Variants in UGT2A3 observed in about 807,000 individuals in gnomAD.
UGT2A3 encodes the protein UDP-glucuronosyltransferase 2A3.
Under a neutral mutation model 44.1 loss-of-function variants are expected in UGT2A3, and 55 were observed. The observed-to-expected ratio is 1.25, with a 90% confidence interval of 1.00 to 1.56. The LOEUF is 1.56. Among genes scored for constraint, UGT2A3 ranks in the 40% most tolerant of loss-of-function variants. The pLI, the probability that UGT2A3 is intolerant of heterozygous loss-of-function variation, is 0.00. For missense variants in UGT2A3, 733 were observed against 621.6 expected (o/e 1.18, Z -1.91); for synonymous variants, 243 against 215.1 (o/e 1.13, Z -1.13).
chr4:68,938,743 G>A (rs1215808176), intron 2 of UGT2A3, among the ~76,000 whole-genome samples: 1 of 152,080 alleles, frequency 6.6e-6, no homozygotes, highest in Non-Finnish European at 1.5e-5. Flanking sequence ...ATTCAATTAG[G>A]AAAAGAGTAA....
At chr4:68,938,500 A>T (rs1346114151) in intron 2 of UGT2A3, among the ~76,000 whole-genome samples, 1 of 152,104 alleles carries the variant, frequency 6.6e-6, no homozygotes, top group Admixed American at 6.6e-5. Flanking sequence ...ACAAAATTCA[A>T]CACCCTTCAT....
intron 2 of UGT2A3, 108 bp downstream of exon 2, chr4:68,945,198 A>C: frequency 7.5e-7 from 1 of 1,327,784 alleles, no homozygotes; most frequent in Non-Finnish European, 1.1e-6. Flanking sequence ...ATGGAGCTGC[A>C]AACAGAAGAC....
At chr4:68,932,789 A>T in intron 2 of UGT2A3, 30 bp from the exon 3 acceptor site, 1 of 1,583,302 alleles carries the variant, frequency 6.3e-7, no homozygotes, top group Non-Finnish European at 8.6e-7. Context: ...TGCATTACAG[A>T]GGCATAATAT....
chr4:68,938,550 T>G (rs933295035), intron 2 of UGT2A3, among the ~76,000 whole-genome samples: 1 of 152,200 alleles, frequency 6.6e-6, no homozygotes, highest in Admixed American at 6.5e-5. Flanking sequence ...ATGGAACACA[T>G]TTCAAAATAA....
At chr4:68,947,548 ATG>A (rs775918131) in intron 1 of UGT2A3, among the ~76,000 whole-genome samples, 3 of 151,770 alleles carry the variant, frequency 2.0e-5, no homozygotes, top group Non-Finnish European at 2.9e-5. Context: ...TAATGTTAAT[ATG>A]TTGACTTCCT....
intron 1 of UGT2A3, among the ~76,000 whole-genome samples, chr4:68,947,372 T>C (rs533327266): frequency 3.9e-5 from 6 of 151,952 alleles, no homozygotes; most frequent in African/African-American, 1.4e-4. Context: ...TTACAGGTTT[T>C]AGTTTTATCA....
At chr4:68,939,369 G>C (rs1031405899) in intron 2 of UGT2A3, among the ~76,000 whole-genome samples, 1 of 152,104 alleles carries the variant, frequency 6.6e-6, no homozygotes, top group Admixed American at 6.6e-5. Flanking sequence ...CAATGGAACA[G>C]AACAGAGGCC....
intron 2 of UGT2A3, among the ~76,000 whole-genome samples, chr4:68,940,925 A>T (rs183587065): frequency 9.7e-4 from 147 of 151,714 alleles, no homozygotes; most frequent in African/African-American, 3.5e-3. Flanking sequence ...CATAGTATGG[A>T]TATTTGAGCC....
In UGT2A3 at chr4:68,928,847, T is replaced by C. The variant is rs1469952544; in HGVS notation, c.*966A>G. The C allele has an allele frequency of 1.3e-5, 2 of 152,162 alleles. No individual in the cohort carries two copies. Among genetic ancestry groups the C allele is most frequent in the Admixed American group, 6.5e-5 (1 of 15,268 alleles). 9.4% of individuals were successfully genotyped at this position (152,162 alleles called of 1,614,324 possible). On this transcript the variant is annotated 3_prime_UTR_variant, in exon 6 of 6. Transcript: ENST00000251566. ...TATGTAAGCAATTATTTGATGAATTTACAATTCTCAAAGATTGAGACTGAA... is the reference window on the plus strand; with the variant it reads ...TATGTAAGCAATTATTTGATGAATTCACAATTCTCAAAGATTGAGACTGAA...
At chr4:68,930,413 A>G (rs1197917988) in intron 5 of UGT2A3, 133 bp downstream of exon 5, 3 of 891,160 alleles carry the variant, frequency 3.4e-6, no homozygotes, top group Non-Finnish European at 5.0e-6. Context: ...TATTCCAGTA[A>G]CAAGGTGATG....
chr4:68,944,774 A>G (rs1577854831), intron 2 of UGT2A3, among the ~76,000 whole-genome samples: 1 of 151,846 alleles, frequency 6.6e-6, no homozygotes, highest in African/African-American at 2.4e-5. Flanking sequence ...CACAAACAAG[A>G]TGACTTCTAA....
At chr4:68,944,239 C>T (rs1365174461) in intron 2 of UGT2A3, among the ~76,000 whole-genome samples, 3 of 151,794 alleles carry the variant, frequency 2.0e-5, no homozygotes, top group Non-Finnish European at 4.4e-5. Flanking sequence ...ACAAGAGACA[C>T]AGTGGTGTCT....
At chr4:68,949,067 A>G (rs1045590432) in intron 1 of UGT2A3, among the ~76,000 whole-genome samples, 1 of 151,732 alleles carries the variant, frequency 6.6e-6, no homozygotes, top group Non-Finnish European at 1.5e-5. Flanking sequence ...TAATAGAGTG[A>G]GAACGAACTC....
At chr4:68,930,786 G>T in intron 4 of UGT2A3, 21 bp from the exon 5 acceptor site, 1 of 1,524,794 alleles carries the variant, frequency 6.6e-7, no homozygotes, top group Non-Finnish European at 8.8e-7. Context: ...AATTGGATGA[G>T]AAATGGTGAG....
chr4:68,949,423 C>T (rs1474198019), intron 1 of UGT2A3, among the ~76,000 whole-genome samples: 5 of 151,792 alleles, frequency 3.3e-5, no homozygotes, highest in Non-Finnish European at 7.4e-5. Flanking sequence ...ATTAAGTTTG[C>T]TGTCTTATAT....
In UGT2A3 at chr4:68,951,473, A is replaced by T. The variant is rs766841145; in HGVS notation, c.288T>A (p.Asn96Lys). 4 of 1,612,524 alleles carry T rather than the reference A, an allele frequency of 2.5e-6. No homozygotes were observed. Among genetic ancestry groups the T allele is most frequent in the East Asian group, 4.5e-5 (2 of 44,730 alleles). The change falls in exon 1 of 6, where the codon AAT becomes AAA. Residue 96 changes from asparagine to lysine, a missense_variant. Coordinates refer to ENST00000251566, the MANE Select transcript of UGT2A3 (RefSeq NM_024743.4). Reference sequence around the variant, plus strand: ...GCCAGGTTGATAAGCCTGGCAAGACATTCAGAGCTAGGTCAACAAATATTT... The same window carrying T: ...GCCAGGTTGATAAGCCTGGCAAGACTTTCAGAGCTAGGTCAACAAATATTT... ...ENEIFVDLAL[N>K]VLPGLSTWQS...
At chr4:68,934,650 T>G (rs1454521946) in intron 2 of UGT2A3, among the ~76,000 whole-genome samples, 1 of 151,894 alleles carries the variant, frequency 6.6e-6, no homozygotes, top group Non-Finnish European at 1.5e-5. Flanking sequence ...GGCTGAAGAA[T>G]CACTTGAAGC....
chr4:68,948,734 T>G (rs1718474773), intron 1 of UGT2A3, among the ~76,000 whole-genome samples: 1 of 151,908 alleles, frequency 6.6e-6, no homozygotes, highest in Non-Finnish European at 1.5e-5. Flanking sequence ...TCCAAAAACT[T>G]TTCCTTTGCA....
intron 2 of UGT2A3, among the ~76,000 whole-genome samples, chr4:68,933,402 G>C (rs1717813079): frequency 6.6e-6 from 1 of 152,052 alleles, no homozygotes; most frequent in Non-Finnish European, 1.5e-5. Context: ...CTCCATATCA[G>C]TGTGTGAATC....
Sources: gnomAD v4.1 joint callset for allele counts (sites outside exome capture counted in the v4.1 genomes callset) on GRCh38, gnomAD v4.1.1 for gene constraint, MANE v1.5 for transcripts, NCBI Gene and HGNC (gene_info 2026-07-23, HGNC 2026-07-21) for gene names.